The following ZDHHC9 variants were observed in gnomAD, a reference collection of about 807,000 sequenced individuals.
ZDHHC9 encodes zDHHC palmitoyltransferase 9.
A neutral mutation model predicts 26.6 loss-of-function variants in ZDHHC9; 3 were observed. The observed-to-expected ratio is 0.11, with a 90% CI of 0.05 to 0.29. ZDHHC9 has a LOEUF of 0.29. Ranked by LOEUF, ZDHHC9 falls within the 10% of genes least tolerant of loss-of-function variation. The pLI, the probability that ZDHHC9 is intolerant of heterozygous loss-of-function variation, is 1.00. For missense variants in ZDHHC9, 146 were observed against 296.4 expected (o/e 0.49, Z 3.73); for synonymous variants, 111 against 109.4 (o/e 1.01, Z -0.09).
At chrX:129,813,609 T>TG in intron 7 of ZDHHC9, 68 bp downstream of exon 7, 1 of 1,064,629 alleles carries the variant, frequency 9.4e-7, no homozygotes, top group Non-Finnish European at 1.3e-6. Flanking sequence ...GGGAGAACTG[T>TG]GGGGAAAAAG....
intron 3 of ZDHHC9, among the ~76,000 whole-genome samples, chrX:129,837,234 C>G (rs1288429738): frequency 5.4e-5 from 6 of 111,984 alleles, no homozygotes; most frequent in Non-Finnish European, 7.5e-5. Context: ...GCCATCTACT[C>G]TATGTAAGGC....
chrX:129,830,979 C>A (rs944049954), intron 3 of ZDHHC9, among the ~76,000 whole-genome samples: 1 of 111,316 alleles, frequency 9.0e-6, no homozygotes, highest in African/African-American at 3.3e-5. Context: ...TCTTAAGTTG[C>A]TTTTTTAATG....
In ZDHHC9 at chrX:129,841,627, C is replaced by T. The variant is rs192444083; in HGVS notation, c.167+152G>A. 147 of 682,877 alleles carry T rather than the reference C, an allele frequency of 2.2e-4. No homozygotes were observed. In the East Asian group the frequency reaches 4.5e-3, roughly 21 times the overall value. The allele number at this position is 682,877 out of a possible 1,213,427, so 56.3% of individuals were successfully genotyped here. On this transcript the variant is annotated intron_variant, in intron 3 of 10. Coordinates refer to ENST00000357166, the MANE Select transcript of ZDHHC9 (RefSeq NM_016032.4). ...GGAAGTACATACTCTGTGATGACCA[C>T]GAAGCAATGAATTCAGCTGGCATCT...
intron 8 of ZDHHC9, 78 bp downstream of exon 8, chrX:129,812,640 G>C: frequency 4.5e-6 from 4 of 895,523 alleles, no homozygotes; most frequent in Non-Finnish European, 6.6e-6. Context: ...TGGAGACTCG[G>C]TAGTTCTCTA....
At chrX:129,827,878 G>A (rs1461575134) in intron 4 of ZDHHC9, among the ~76,000 whole-genome samples, 3 of 111,760 alleles carry the variant, frequency 2.7e-5, no homozygotes, top group Admixed American at 9.5e-5. Flanking sequence ...GTGCAGTGGC[G>A]CAATCTAGGC....
At chrX:129,810,769 A>T in intron 10 of ZDHHC9, 136 bp downstream of exon 10, 1 of 539,954 alleles carries the variant, frequency 1.9e-6, no homozygotes, top group Non-Finnish European at 3.3e-6. Flanking sequence ...CAAAGATCTG[A>T]AGGCAACATC....
chrX:129,843,392 C>T (rs1928428852), intron 1 of ZDHHC9, 66 bp from the exon 2 acceptor site: 1 of 112,215 alleles, frequency 8.9e-6, no homozygotes, highest in African/African-American at 3.2e-5. Context: ...GGGCCGGAGG[C>T]CGGAGGCCGG....
chrX:129,806,083 G>A lies in ZDHHC9; in HGVS notation c.*287C>T. 3.0e-6 allele frequency: 1 copy of A among 337,297 alleles called. No homozygotes were observed. The highest frequency in any genetic ancestry group is 3.7e-5 in the South Asian group (1 of 26,884). 27.8% of individuals were successfully genotyped at this position (337,297 alleles called of 1,213,427 possible). ...CTGGGATCTGGAGGGAAGAGAGGGG[G>A]TCCAAGGGGACCCTGTGGCTGAGGC... is the stretch of plus-strand genomic sequence containing the variant. On this transcript the variant is annotated 3_prime_UTR_variant, in exon 11 of 11. Transcript: ENST00000357166.
intron 3 of ZDHHC9, among the ~76,000 whole-genome samples, chrX:129,835,499 G>A (rs1378047017): frequency 1.8e-5 from 2 of 108,559 alleles, no homozygotes; most frequent in Admixed American, 2.0e-4. Context: ...AAAGCAAACT[G>A]CCGCCAGGTG....
At chrX:129,830,302 C>A (rs1438447042) in intron 3 of ZDHHC9, among the ~76,000 whole-genome samples, 1 of 111,558 alleles carries the variant, frequency 9.0e-6, no homozygotes, top group African/African-American at 3.3e-5. Flanking sequence ...GTCTCCTTAT[C>A]GATAAAATGA....
intron 4 of ZDHHC9, among the ~76,000 whole-genome samples, chrX:129,825,786 G>T (rs1057451864): frequency 6.3e-5 from 7 of 111,479 alleles, no homozygotes; most frequent in African/African-American, 1.6e-4. Flanking sequence ...GAAGTTGCCG[G>T]CATTAAAATA....
At chrX:129,841,461 GC>G (rs1333247834) in intron 3 of ZDHHC9, among the ~76,000 whole-genome samples, 1 of 111,938 alleles carries the variant, frequency 8.9e-6, no homozygotes, top group African/African-American at 3.3e-5. Flanking sequence ...TGCAGGGGAG[GC>G]CATCTGTCAT....
In ZDHHC9 at chrX:129,805,271, G is replaced by A. The variant is rs1185459168; in HGVS notation, c.*1099C>T. 8.9e-6 allele frequency: 1 copy of A among 111,955 alleles called. No homozygotes were observed. Among genetic ancestry groups the A allele is most frequent in the Non-Finnish European group, 1.9e-5 (1 of 53,071 alleles). 9.2% of individuals were successfully genotyped at this position (111,955 alleles called of 1,213,427 possible). ...GCCTTAGGGTGAGTTACCCGAGAGG[G>A]CAGCAGTGCTGGGCTTTCCCTCACT... On this transcript the variant is annotated 3_prime_UTR_variant, in exon 11 of 11. Coordinates refer to ENST00000357166, the MANE Select transcript of ZDHHC9 (RefSeq NM_016032.4).
At chrX:129,815,580 G>T (rs1927738674) in intron 5 of ZDHHC9, among the ~76,000 whole-genome samples, 1 of 111,985 alleles carries the variant, frequency 8.9e-6, no homozygotes, top group Non-Finnish European at 1.9e-5. Context: ...GTACTTTGTG[G>T]TTTTGATTTG....
chrX:129,835,256 G>C (rs1351657973), intron 3 of ZDHHC9, among the ~76,000 whole-genome samples: 1 of 110,389 alleles, frequency 9.1e-6, no homozygotes, highest in Admixed American at 9.7e-5. Context: ...AGACCAGCCT[G>C]GGCAAGATGG....
At chrX:129,819,524 T>C (rs1467590423) in intron 5 of ZDHHC9, among the ~76,000 whole-genome samples, 1 of 111,500 alleles carries the variant, frequency 9.0e-6, no homozygotes, top group Admixed American at 9.6e-5. Flanking sequence ...TAATAAACTA[T>C]AAAAATTGTG....
intron 2 of ZDHHC9, 115 bp from the exon 3 acceptor site, chrX:129,842,195 A>T: frequency 2.4e-6 from 1 of 412,647 alleles, no homozygotes; most frequent in Non-Finnish European, 4.2e-6. Flanking sequence ...GGGACGGGGA[A>T]GTGGGAAAAG....
intron 4 of ZDHHC9, among the ~76,000 whole-genome samples, chrX:129,828,722 G>A (rs1233284469): frequency 9.0e-6 from 1 of 111,565 alleles, no homozygotes; most frequent in Non-Finnish European, 1.9e-5. Context: ...CCATCCTCCT[G>A]GGAACAATAC....
chrX:129,830,573 T>C (rs1158479102), intron 3 of ZDHHC9, among the ~76,000 whole-genome samples: 1 of 111,926 alleles, frequency 8.9e-6, no homozygotes, highest in Non-Finnish European at 1.9e-5. Context: ...ATCGCTGACC[T>C]ATTTTTATCC....
Sources: allele counts gnomAD v4.1 joint callset (sites outside exome capture counted in the v4.1 genomes callset), GRCh38; gene constraint gnomAD v4.1.1; transcripts MANE v1.5; gene names NCBI Gene and HGNC (gene_info 2026-07-23, HGNC 2026-07-21).